Variants in FRS2 observed in about 807,000 individuals in gnomAD.
The protein encoded by FRS2 is fibroblast growth factor receptor substrate 2.
FRS2 carries 8 observed loss-of-function variants against 43.9 expected under a neutral mutation model. That is an observed-to-expected ratio of 0.18 (90% confidence interval 0.11 to 0.33). The LOEUF is 0.33. Among genes scored for constraint, FRS2 ranks in the 10% least tolerant of loss-of-function variants. FRS2 has a pLI of 1.00. For missense variants in FRS2, 534 were observed against 627.6 expected (o/e 0.85, Z 1.59); for synonymous variants, 219 against 220.3 (o/e 0.99, Z 0.05).
At chr12:69,475,225 G>T (rs1870659918) in intron 1 of FRS2, among the ~76,000 whole-genome samples, 2 of 152,170 alleles carry the variant, frequency 1.3e-5, no homozygotes, top group African/African-American at 4.8e-5. Flanking sequence ...ATTATTTTTA[G>T]ACTGAGTTAC....
chr12:69,484,175 C>T (rs1871613921), intron 1 of FRS2, among the ~76,000 whole-genome samples: 1 of 152,038 alleles, frequency 6.6e-6, no homozygotes, highest in Non-Finnish European at 1.5e-5. Context: ...ACCTCCGCCT[C>T]CCGGGTTCAC....
At chr12:69,511,505 A>T (rs957632397) in intron 1 of FRS2, among the ~76,000 whole-genome samples, 1 of 152,190 alleles carries the variant, frequency 6.6e-6, no homozygotes, top group Non-Finnish European at 1.5e-5. Flanking sequence ...AGCAATAAAA[A>T]TATCAGTTTT....
intron 3 of FRS2, among the ~76,000 whole-genome samples, chr12:69,540,982 A>T (rs1327219423): frequency 6.6e-6 from 1 of 152,194 alleles, no homozygotes; most frequent in African/African-American, 2.4e-5. Flanking sequence ...AATGGTCAGG[A>T]TTATCAAAAA....
intron 5 of FRS2, among the ~76,000 whole-genome samples, chr12:69,569,701 T>C (rs999213273): frequency 1.3e-5 from 2 of 152,204 alleles, no homozygotes. Context: ...TCCATTTTTG[T>C]ACAGTGTAGT....
At chr12:69,503,368 C>T (rs1373354336) in intron 1 of FRS2, among the ~76,000 whole-genome samples, 1 of 152,146 alleles carries the variant, frequency 6.6e-6, no homozygotes, top group Non-Finnish European at 1.5e-5. Context: ...GATTATCCAG[C>T]TGGATAATCC....
intron 3 of FRS2, among the ~76,000 whole-genome samples, chr12:69,541,255 C>G (rs1877875803): frequency 6.6e-6 from 1 of 152,098 alleles, no homozygotes; most frequent in Non-Finnish European, 1.5e-5. Context: ...CAAACAGGCC[C>G]AACATTTATT....
intron 1 of FRS2, among the ~76,000 whole-genome samples, chr12:69,494,923 A>G (rs1268615946): frequency 6.6e-6 from 1 of 151,986 alleles, no homozygotes; most frequent in African/African-American, 2.4e-5. Flanking sequence ...ATAGACGCCC[A>G]CCATCACGCC....
rs1327576470 is a variant in FRS2, at chr12:69,577,435, G to C, written c.*2480G>C. The C allele has an allele frequency of 6.6e-6, 1 of 152,162 alleles. No individual in the cohort carries two copies. Among genetic ancestry groups the C allele is most frequent in the Non-Finnish European group, 1.5e-5 (1 of 67,984 alleles). 9.4% of individuals were successfully genotyped at this position (152,162 alleles called of 1,614,324 possible). A position where few individuals can be genotyped will look rare whatever the true frequency, so the allele number is the denominator to read the frequency against. On this transcript the variant is annotated 3_prime_UTR_variant, in exon 9 of 9. Transcript: ENST00000549921. ...CCTCGAAGGATGTACCTATTACTAG[G>C]TGCATTTTAGAATGAAATATTGATA... is the stretch of plus-strand genomic sequence containing the variant.
intron 1 of FRS2, among the ~76,000 whole-genome samples, chr12:69,506,603 A>G (rs952822243): frequency 2.0e-5 from 3 of 152,088 alleles, no homozygotes; most frequent in Admixed American, 2.0e-4. Context: ...ATAGCATTTG[A>G]AAGATTCTTT....
Position 69,536,393 on chromosome 12 carries a change from G to T in FRS2, c.-122+4337G>T, listed in dbSNP as rs577172245. Among the ~76,000 whole-genome samples, 7 of 151,408 alleles carry T rather than the reference G, an allele frequency of 4.6e-5. No homozygotes were observed. In the South Asian group the frequency reaches 1.5e-3, roughly 32 times the overall value. ...CCGCCTCAGCCTCCCAAAGTGCTGG[G>T]ATTACAGGCGTGAGTCCCCGCACCC... On this transcript the variant is annotated intron_variant, in intron 3 of 8. Coordinates refer to ENST00000549921, the MANE Select transcript of FRS2 (RefSeq NM_001278356.2).
chr12:69,470,613 G>A (rs752438986), intron 1 of FRS2, 83 bp downstream of exon 1: 1 of 345,394 alleles, frequency 2.9e-6, no homozygotes, highest in African/African-American at 2.4e-5. Context: ...CCCGCTTCGG[G>A]ATCCGGGCTG....
At chr12:69,557,145 CTGTCCCTGCTA>C (rs1471333449) in intron 3 of FRS2, among the ~76,000 whole-genome samples, 2 of 152,142 alleles carry the variant, frequency 1.3e-5, no homozygotes, top group Non-Finnish European at 2.9e-5. Context: ...TGCTAGAGTT[CTGTCCCTGCTA>C]AGGGATTAGT....
chr12:69,575,996 A>G lies in FRS2; in HGVS notation c.*1041A>G, dbSNP rs1462639571. On this transcript the variant is annotated 3_prime_UTR_variant, in exon 9 of 9. Transcript: ENST00000549921. Reference sequence around the variant, plus strand: ...GTCTGTAACAGGGTTGCCCTTGTCCAGTATTTATTTATAAGCTGTTTACTT... The same window carrying G: ...GTCTGTAACAGGGTTGCCCTTGTCCGGTATTTATTTATAAGCTGTTTACTT... 1 of 152,674 alleles carries G rather than the reference A, an allele frequency of 6.5e-6. No homozygotes were observed. Among genetic ancestry groups the G allele is most frequent in the Non-Finnish European group, 1.5e-5 (1 of 68,048 alleles). The allele number at this position is 152,674 out of a possible 1,614,324, so 9.5% of individuals were successfully genotyped here.
intron 5 of FRS2, among the ~76,000 whole-genome samples, chr12:69,569,491 C>T (rs931920622): frequency 6.6e-6 from 1 of 152,184 alleles, no homozygotes; most frequent in Non-Finnish European, 1.5e-5. Flanking sequence ...CTTCTTCTCT[C>T]ATCATTCACT....
intron 1 of FRS2, among the ~76,000 whole-genome samples, chr12:69,529,947 C>T (rs1198377927): frequency 3.9e-5 from 6 of 151,946 alleles, no homozygotes; most frequent in African/African-American, 1.5e-4. Flanking sequence ...GTAGTCCCAA[C>T]TGCTAGGCAG....
At chr12:69,530,373 T>C (rs1449622434) in intron 1 of FRS2, among the ~76,000 whole-genome samples, 3 of 151,756 alleles carry the variant, frequency 2.0e-5, no homozygotes, top group Non-Finnish European at 4.4e-5. Context: ...GTGGTACAAA[T>C]AGCCAGTTTT....
intron 3 of FRS2, among the ~76,000 whole-genome samples, chr12:69,555,050 G>A (rs984100077): frequency 4.0e-5 from 6 of 149,406 alleles, no homozygotes; most frequent in East Asian, 2.0e-4. Flanking sequence ...ACCTTTTTTC[G>A]TTTTTCTTTT....
intron 1 of FRS2, among the ~76,000 whole-genome samples, chr12:69,529,620 C>T (rs1876591770): frequency 1.2e-5 from 1 of 86,364 alleles, no homozygotes. Context: ...GACCCTGTCT[C>T]AAAAATAAAT....
At chr12:69,474,936 CTATTT>C (rs552005024) in intron 1 of FRS2, among the ~76,000 whole-genome samples, 42 of 152,194 alleles carry the variant, frequency 2.8e-4, no homozygotes, top group East Asian at 1.9e-4. Flanking sequence ...TCTTCCAACT[CTATTT>C]TATAAGTTCT....
Sources: gnomAD v4.1 joint callset for allele counts (sites outside exome capture counted in the v4.1 genomes callset) on GRCh38, gnomAD v4.1.1 for gene constraint, MANE v1.5 for transcripts, NCBI Gene and HGNC (gene_info 2026-07-23, HGNC 2026-07-21) for gene names.